Variants in RBM20 observed in about 807,000 individuals in gnomAD.
The protein encoded by RBM20 is RNA-binding protein 20.
In RBM20, 51 loss-of-function variants were observed where a neutral mutation model predicts 110.1. That is an observed-to-expected ratio of 0.46 (90% CI 0.37 to 0.59). RBM20 has a LOEUF of 0.59. Ranked by LOEUF, RBM20 falls within the 20% of genes least tolerant of loss-of-function variation. RBM20 has a pLI of 0.00. For missense variants in RBM20, 1,512 were observed against 1,574.9 expected, an observed-to-expected ratio of 0.96 and a Z score of 0.68; for synonymous variants, 589 against 618.2, an observed-to-expected ratio of 0.95 and a Z score of 0.70.
At chr10:110,769,745 G>T (rs1430570631) in intron 1 of RBM20, among the ~76,000 whole-genome samples, 7 of 151,562 alleles carry the variant, frequency 4.6e-5, no homozygotes, top group East Asian at 1.9e-4. Flanking sequence ...TTCAGACAGG[G>T]TCTTGCTCAC....
chr10:110,765,736 C>T (rs527817674), intron 1 of RBM20, among the ~76,000 whole-genome samples: 8 of 152,186 alleles, frequency 5.3e-5, no homozygotes, highest in East Asian at 1.9e-4. Context: ...ACTCATAAAA[C>T]GGCATGGACG....
At chr10:110,761,183 A>C (rs972522088) in intron 1 of RBM20, 3 of 152,024 alleles carry the variant, frequency 2.0e-5, no homozygotes, top group African/African-American at 7.2e-5. Context: ...ATCTCATCTG[A>C]TCTCAGAAGC....
intron 7 of RBM20, among the ~76,000 whole-genome samples, chr10:110,801,549 T>C (rs1369127116): frequency 6.6e-6 from 1 of 152,140 alleles, no homozygotes; most frequent in East Asian, 1.9e-4. Flanking sequence ...TTTTGTTTTG[T>C]TTTTGAGACG....
chr10:110,713,220 G>C (rs984658117), intron 1 of RBM20, among the ~76,000 whole-genome samples: 2 of 152,234 alleles, frequency 1.3e-5, no homozygotes, highest in Non-Finnish European at 2.9e-5. Flanking sequence ...CCTGGCCAAA[G>C]AGCCATCACT....
chr10:110,760,548 C>T (rs1843984956), intron 1 of RBM20, among the ~76,000 whole-genome samples: 1 of 142,190 alleles, frequency 7.0e-6, no homozygotes, highest in Non-Finnish European at 1.5e-5. Flanking sequence ...TCAAGCAATT[C>T]TCCTGCCTCA....
chr10:110,719,541 G>A (rs1445118097), intron 1 of RBM20, among the ~76,000 whole-genome samples: 10 of 151,882 alleles, frequency 6.6e-5, no homozygotes, highest in African/African-American at 1.7e-4. Flanking sequence ...TTTGTCTCGC[G>A]GGTATATGTA....
chr10:110,731,741 G>A (rs1395695868), intron 1 of RBM20, among the ~76,000 whole-genome samples: 1 of 152,072 alleles, frequency 6.6e-6, no homozygotes, highest in South Asian at 2.1e-4. Flanking sequence ...GCTCCTAAAG[G>A]CAAAAGCTGC....
Position 110,772,517 on chromosome 10 carries a change from A to T in RBM20, c.192-8284A>T, listed in dbSNP as rs575932641. On this transcript the variant is annotated intron_variant, in intron 1 of 13. Transcript: ENST00000369519. The stretch of plus-strand genomic sequence containing the variant: ...CTTGTCTAGGTTTAAACATATTTAG[A>T]TATGCACAAATACTCACCATTGTGT... Among the ~76,000 whole-genome samples, 10 of 152,346 alleles carry T rather than the reference A, an allele frequency of 6.6e-5. No homozygotes were observed. The South Asian group carries it at 2.1e-3, about 32-fold the overall frequency.
chr10:110,684,757 A>T (rs1557028), intron 1 of RBM20, among the ~76,000 whole-genome samples: 26,317 of 152,106 alleles, frequency 0.17, 2,477 homozygotes, highest in East Asian at 0.31. Flanking sequence ...TTAATACTTT[A>T]AAAAAATTTA....
intron 5 of RBM20, among the ~76,000 whole-genome samples, chr10:110,789,247 G>A (rs1456915939): frequency 1.3e-5 from 2 of 152,132 alleles, no homozygotes; most frequent in Non-Finnish European, 2.9e-5. Flanking sequence ...CTGGAAATGA[G>A]CCTTCAGATT....
intron 1 of RBM20, among the ~76,000 whole-genome samples, chr10:110,757,685 A>G (rs1446526651): frequency 1.3e-5 from 2 of 152,226 alleles, no homozygotes; most frequent in Non-Finnish European, 2.9e-5. Context: ...AGTGCTAGGC[A>G]CAGCACTGGG....
Position 110,797,654 on chromosome 10 carries a change from T to A in RBM20, c.1668+6T>A. On this transcript the variant is annotated splice_donor_region_variant and intron_variant, in intron 6 of 13. Coordinates refer to ENST00000369519, the MANE Select transcript of RBM20 (RefSeq NM_001134363.3). ...TCATGAAGTCGACTAATCAGGTAGGTCTGGGTACTTTCACTCCAGTGTATA... is the reference window on the plus strand; with the variant it reads ...TCATGAAGTCGACTAATCAGGTAGGACTGGGTACTTTCACTCCAGTGTATA... 6.4e-7 allele frequency: 1 copy of A among 1,551,690 alleles called. No homozygotes were observed. The highest frequency in any genetic ancestry group is 8.7e-7 in the Non-Finnish European group (1 of 1,146,906).
rs1403101349 is a variant in RBM20, at chr10:110,644,901, A to G, written c.191+256A>G. Among the ~76,000 whole-genome samples, 5 of 152,052 alleles carry G rather than the reference A, an allele frequency of 3.3e-5. No homozygotes were observed. Among genetic ancestry groups the G allele is most frequent in the Non-Finnish European group, 2.9e-5 (2 of 68,020 alleles). On this transcript the variant is annotated intron_variant, in intron 1 of 13. Coordinates refer to ENST00000369519, the MANE Select transcript of RBM20 (RefSeq NM_001134363.3). This position sits in a 1 kb window ranked among gnomAD's most constrained non-coding sequence, Gnocchi z 4.3. ...TTCTCTTCTCTTCAGGAATGGTACT[A>G]GATATTTTGAACTAAAATAGCTCAG... is the stretch of plus-strand genomic sequence containing the variant.
chr10:110,708,538 G>A lies in RBM20; in HGVS notation c.191+63893G>A, dbSNP rs191157221. ...TATTTACTAGTTTCTGGTAAAATAC[G>A]TAGGTTCTATATATTTTTGCTAGAT... is the stretch of plus-strand genomic sequence containing the variant. On this transcript the variant is annotated intron_variant, in intron 1 of 13. Transcript: ENST00000369519. 3.2e-4 allele frequency among the ~76,000 whole-genome samples: 49 copies of A among 152,144 alleles called. 1 individual carries two copies. In the East Asian group the frequency reaches 3.9e-3, roughly 12 times the overall value.
chr10:110,664,730 G>C (rs1433331019), intron 1 of RBM20, among the ~76,000 whole-genome samples: 6 of 152,038 alleles, frequency 3.9e-5, no homozygotes, highest in Admixed American at 3.9e-4. Flanking sequence ...CTGGGCAACA[G>C]AGTGAGACTC....
chr10:110,730,858 G>A (rs1843613443), intron 1 of RBM20, among the ~76,000 whole-genome samples: 1 of 152,200 alleles, frequency 6.6e-6, no homozygotes, highest in South Asian at 2.1e-4. Flanking sequence ...GGAGGAGGGA[G>A]GCATCCTTCC....
chr10:110,799,096 A>C (rs1369389096), intron 6 of RBM20, among the ~76,000 whole-genome samples: 1 of 152,224 alleles, frequency 6.6e-6, no homozygotes, highest in Non-Finnish European at 1.5e-5. Flanking sequence ...CCTTCCTTCA[A>C]GCCTAGGGGT....
chr10:110,799,949 C>A lies in RBM20; in HGVS notation c.1800+31C>A, dbSNP rs563848443. The A allele has an allele frequency of 8.8e-5, 136 of 1,547,778 alleles. 2 individuals are homozygous for A. The South Asian group carries it at 1.6e-3, about 18-fold the overall frequency. ...GCATTATCTTGCTCATTCAGTCATT[C>A]AACAAGCACCAGATGAGTTTCTCCT... is the stretch of plus-strand genomic sequence containing the variant. On this transcript the variant is annotated intron_variant, in intron 7 of 13. Coordinates refer to ENST00000369519, the MANE Select transcript of RBM20 (RefSeq NM_001134363.3).
At chr10:110,834,203 C>T (rs192581751) in intron 13 of RBM20, among the ~76,000 whole-genome samples, 11 of 152,334 alleles carry the variant, frequency 7.2e-5, no homozygotes, top group African/African-American at 1.9e-4. Flanking sequence ...ACGTACTGGG[C>T]GCTCATTCGC....
Sources: gnomAD v4.1 joint callset for allele counts (sites outside exome capture counted in the v4.1 genomes callset) on GRCh38, gnomAD v4.1.1 for gene constraint, Gnocchi (gnomAD v3.1) non-coding constraint, MANE v1.5 for transcripts, NCBI Gene and HGNC (gene_info 2026-07-23, HGNC 2026-07-21) for gene names.